FYN: variants seen among roughly 807,000 people sequenced by gnomAD.
FYN encodes FYN proto-oncogene, Src family tyrosine kinase.
Under a neutral mutation model 70.2 loss-of-function variants are expected in FYN, and 10 were observed. The observed-to-expected ratio is 0.14, with a 90% CI of 0.09 to 0.24. The LOEUF is 0.24. Ranked by LOEUF, FYN falls within the 10% of genes least tolerant of loss-of-function variation. The probability of loss-of-function intolerance (pLI) is 1.00; values close to 1 mark genes in which losing one functional copy is unlikely to be tolerated. For synonymous variants in FYN, 236 were observed against 248.6 expected (o/e 0.95, Z 0.48); for missense variants, 319 against 673.1 (o/e 0.47, Z 5.82).
At chr6:111,805,392 C>T (rs1562527949) in intron 2 of FYN, among the ~76,000 whole-genome samples, 1 of 152,196 alleles carries the variant, frequency 6.6e-6, no homozygotes, top group African/African-American at 2.4e-5. Context: ...AAAAATTATA[C>T]ATCGTTTATC....
chr6:111,678,729 G>A (rs995259969), intron 12 of FYN, among the ~76,000 whole-genome samples: 11 of 152,132 alleles, frequency 7.2e-5, no homozygotes, highest in African/African-American at 2.7e-4. Flanking sequence ...TGGTGACTTT[G>A]TAAACCACCC....
intron 8 of FYN, chr6:111,702,678 C>A (rs576371549): frequency 4.9e-6 from 2 of 408,354 alleles, no homozygotes; most frequent in East Asian, 7.2e-5. Flanking sequence ...AATCTTCGGA[C>A]AAACATGTGG....
chr6:111,804,310 A>G (rs548095029), intron 2 of FYN, among the ~76,000 whole-genome samples: 3 of 152,264 alleles, frequency 2.0e-5, no homozygotes, highest in African/African-American at 4.8e-5. Flanking sequence ...GAACTGGGGA[A>G]CAGAGACCTC....
chr6:111,798,902 A>G (rs764950821), intron 2 of FYN, among the ~76,000 whole-genome samples: 1 of 152,218 alleles, frequency 6.6e-6, no homozygotes, highest in Non-Finnish European at 1.5e-5. Context: ...AAGGGTCAGA[A>G]ATAAAGTTCA....
At chr6:111,819,855 C>T (rs2114356946) in intron 2 of FYN, 1 of 152,300 alleles carries the variant, frequency 6.6e-6, no homozygotes, top group South Asian at 2.1e-4. Flanking sequence ...TTCTCAAACA[C>T]TCACCCTTGG....
chr6:111,709,236 G>T (rs1290533463), intron 5 of FYN, among the ~76,000 whole-genome samples: 1 of 151,890 alleles, frequency 6.6e-6, no homozygotes, highest in Non-Finnish European at 1.5e-5. Context: ...AAAGCTTTCA[G>T]CCAGGGGAAA....
At chr6:111,741,373 G>C (rs1403238524) in intron 3 of FYN, among the ~76,000 whole-genome samples, 1 of 152,194 alleles carries the variant, frequency 6.6e-6, no homozygotes, top group Non-Finnish European at 1.5e-5. Context: ...AATGGCTATG[G>C]TGAGATGTTT....
intron 13 of FYN, among the ~76,000 whole-genome samples, chr6:111,673,661 G>A (rs1433123660): frequency 5.4e-5 from 6 of 110,328 alleles, no homozygotes; most frequent in East Asian, 6.0e-4. Context: ...CCTTTCTTAC[G>A]CAGGGAATGA....
chr6:111,761,537 T>C (rs771992823), intron 3 of FYN, among the ~76,000 whole-genome samples: 29 of 152,228 alleles, frequency 1.9e-4, no homozygotes, highest in South Asian at 6.2e-4. Flanking sequence ...GGAAAGGTTG[T>C]TATTGAAAAT....
At chr6:111,770,935 G>T (rs1001858270) in intron 3 of FYN, among the ~76,000 whole-genome samples, 1 of 152,096 alleles carries the variant, frequency 6.6e-6, no homozygotes, top group Admixed American at 6.5e-5. Flanking sequence ...GAGATTTGGT[G>T]GGAACAAACC....
chr6:111,830,635 A>G (rs533672076), intron 2 of FYN, among the ~76,000 whole-genome samples: 4 of 152,316 alleles, frequency 2.6e-5, no homozygotes, highest in African/African-American at 4.8e-5. Flanking sequence ...GAAAGAACAC[A>G]GAATAAAAAG....
At chr6:111,727,748 G>GT (rs1478154564) in intron 3 of FYN, among the ~76,000 whole-genome samples, 3 of 152,092 alleles carry the variant, frequency 2.0e-5, no homozygotes, top group East Asian at 3.8e-4. Context: ...CTCTCATACC[G>GT]CACAGCAAGG....
intron 1 of FYN, among the ~76,000 whole-genome samples, chr6:111,866,049 GTCA>G (rs1774094129): frequency 6.6e-6 from 1 of 151,994 alleles, no homozygotes; most frequent in Non-Finnish European, 1.5e-5. Context: ...ACAATATATT[GTCA>G]TCATCCCTTC....
chr6:111,687,735 T>G (rs1295743860), intron 12 of FYN, among the ~76,000 whole-genome samples: 2 of 152,170 alleles, frequency 1.3e-5, no homozygotes, highest in African/African-American at 4.8e-5. Context: ...ACTACCACTA[T>G]CAGCTCAGTG....
chr6:111,746,438 G>A (rs542437381), intron 3 of FYN, among the ~76,000 whole-genome samples: 1 of 152,252 alleles, frequency 6.6e-6, no homozygotes, highest in African/African-American at 2.4e-5. Flanking sequence ...TATTCTTTGT[G>A]TCTACTTATT....
intron 12 of FYN, among the ~76,000 whole-genome samples, chr6:111,686,692 G>GTGT (rs1562470145): frequency 6.6e-6 from 1 of 151,990 alleles, no homozygotes; most frequent in Non-Finnish European, 1.5e-5. Flanking sequence ...TGCTGTTCAG[G>GTGT]TCACAGCACA....
At chr6:111,741,516 A>G (rs1380411088) in intron 3 of FYN, among the ~76,000 whole-genome samples, 1 of 17,626 alleles carries the variant, frequency 5.7e-5, no homozygotes, top group African/African-American at 8.3e-4. Context: ...GTTTATATTC[A>G]TTTTTTATAA....
At chr6:111,797,790 T>C (rs1468043056) in intron 2 of FYN, among the ~76,000 whole-genome samples, 1 of 149,836 alleles carries the variant, frequency 6.7e-6, no homozygotes, top group Non-Finnish European at 1.5e-5. Context: ...TGAGATGGAG[T>C]CTCACTCTGT....
chr6:111,771,747 G>A (rs1013473115), intron 3 of FYN, among the ~76,000 whole-genome samples: 5 of 152,210 alleles, frequency 3.3e-5, no homozygotes, highest in Non-Finnish European at 5.9e-5. Flanking sequence ...TTGAAAAGTC[G>A]GAATGGTTAA....
Sources: allele counts gnomAD v4.1 joint callset (sites outside exome capture counted in the v4.1 genomes callset), GRCh38; gene constraint gnomAD v4.1.1; transcripts MANE v1.5; gene names NCBI Gene and HGNC (gene_info 2026-07-23, HGNC 2026-07-21).